The following ASZ1 variants were observed in gnomAD, a reference collection of about 807,000 sequenced individuals.
ASZ1 encodes ankyrin repeat, SAM and basic leucine zipper domain containing 1.
ASZ1 carries 67 observed loss-of-function variants against 61.8 expected under a neutral mutation model. The observed-to-expected ratio is 1.08, with a 90% CI of 0.89 to 1.33. The LOEUF (loss-of-function observed/expected upper bound fraction) is 1.33. Among genes scored for constraint, ASZ1 ranks in the 40% most tolerant of loss-of-function variants. ASZ1 has a pLI of 0.00. For missense variants in ASZ1, 577 were observed against 554.5 expected, an observed-to-expected ratio of 1.04 and a Z score of -0.41; for synonymous variants, 193 against 192.7, an observed-to-expected ratio of 1.00 and a Z score of -0.01.
intron 9 of ASZ1, among the ~76,000 whole-genome samples, chr7:117,380,721 T>C (rs1270985053): frequency 1.3e-5 from 2 of 151,818 alleles, no homozygotes; most frequent in Non-Finnish European, 1.5e-5. Context: ...AAGTGCCCCA[T>C]TTTACAAATC....
At chr7:117,398,445 C>T (rs1796616291) in intron 4 of ASZ1, among the ~76,000 whole-genome samples, 1 of 152,080 alleles carries the variant, frequency 6.6e-6, no homozygotes. Flanking sequence ...AAGTGTTCTT[C>T]AATGAAATAC....
intron 4 of ASZ1, among the ~76,000 whole-genome samples, chr7:117,399,689 G>T (rs1052088278): frequency 3.9e-5 from 6 of 152,034 alleles, no homozygotes; most frequent in Admixed American, 1.3e-4. Flanking sequence ...GTTGCTAAGG[G>T]GTGGGGGCTG....
At chr7:117,407,299 G>A (rs1002008453) in intron 4 of ASZ1, among the ~76,000 whole-genome samples, 1 of 151,954 alleles carries the variant, frequency 6.6e-6, no homozygotes, top group Non-Finnish European at 1.5e-5. Flanking sequence ...ATACAAAGGG[G>A]TACACTTCAT....
intron 10 of ASZ1, among the ~76,000 whole-genome samples, chr7:117,379,512 A>G (rs1690164672): frequency 6.6e-6 from 1 of 151,778 alleles, no homozygotes; most frequent in South Asian, 2.1e-4. Flanking sequence ...TGGTAACATA[A>G]TTTCTCATAC....
chr7:117,420,375 T>C, intron 3 of ASZ1, 101 bp from the exon 4 acceptor site: 1 of 704,546 alleles, frequency 1.4e-6, no homozygotes, highest in East Asian at 2.9e-5. Context: ...TCTAAAACTC[T>C]ATAACCTCTT....
At chr7:117,399,880 AT>A (rs1436616712) in intron 4 of ASZ1, among the ~76,000 whole-genome samples, 1 of 152,230 alleles carries the variant, frequency 6.6e-6, no homozygotes, top group Non-Finnish European at 1.5e-5. Flanking sequence ...ACTTAAAAAA[AT>A]AAAAGTTGGT....
At chr7:117,367,503 A>G in intron 11 of ASZ1, 38 bp from the exon 12 acceptor site, 5 of 1,371,164 alleles carry the variant, frequency 3.6e-6, no homozygotes, top group Non-Finnish European at 4.8e-6. Flanking sequence ...TAAATAATGG[A>G]AATAACTTTC....
At chr7:117,409,685 T>C (rs767860929) in intron 4 of ASZ1, among the ~76,000 whole-genome samples, 3 of 151,994 alleles carry the variant, frequency 2.0e-5, no homozygotes, top group Non-Finnish European at 3.0e-5. Context: ...TAGCAAAATT[T>C]GAAAACAAAT....
intron 4 of ASZ1, among the ~76,000 whole-genome samples, chr7:117,399,704 G>A (rs1796644025): frequency 6.6e-6 from 1 of 151,840 alleles, no homozygotes; most frequent in South Asian, 2.1e-4. Context: ...GGGCTGGGAG[G>A]TTTGGGTGGG....
At chr7:117,419,922 T>A (rs1584743857) in intron 4 of ASZ1, among the ~76,000 whole-genome samples, 1 of 152,216 alleles carries the variant, frequency 6.6e-6, no homozygotes. Context: ...TAGTTTATTG[T>A]CCTCCTTTCC....
intron 12 of ASZ1, among the ~76,000 whole-genome samples, chr7:117,365,101 A>T (rs963566811): frequency 1.3e-5 from 2 of 152,208 alleles, no homozygotes; most frequent in African/African-American, 4.8e-5. Flanking sequence ...AAGCCTTCAT[A>T]ATTCCCTAAA....
At chr7:117,411,004 T>G (rs1057075897) in intron 4 of ASZ1, among the ~76,000 whole-genome samples, 5 of 151,704 alleles carry the variant, frequency 3.3e-5, no homozygotes, top group Non-Finnish European at 4.4e-5. Context: ...GAGTTCAATG[T>G]AGAAATAGTA....
chr7:117,368,217 A>G lies in ASZ1; in HGVS notation c.1161+395T>C, dbSNP rs563040637. On this transcript the variant is annotated intron_variant, in intron 11 of 12. Coordinates refer to ENST00000284629, the MANE Select transcript of ASZ1 (RefSeq NM_130768.3). ...GTTGGGATTACGGATGTGAGCCACTATGCCCAGCCACTTACACTCTTCCTA... is the reference window on the plus strand; with the variant it reads ...GTTGGGATTACGGATGTGAGCCACTGTGCCCAGCCACTTACACTCTTCCTA... The G allele has an allele frequency of 1.3e-5, 12 of 959,788 alleles. No homozygotes were observed. In the Admixed American group the frequency reaches 2.4e-4, roughly 20 times the overall value. 59.5% of individuals were successfully genotyped at this position (959,788 alleles called of 1,614,324 possible).
intron 4 of ASZ1, among the ~76,000 whole-genome samples, chr7:117,419,854 T>C (rs10251069): frequency 0.051 from 7,788 of 152,268 alleles, 297 homozygotes; most frequent in African/African-American, 0.11. Context: ...AAGGCTTTAC[T>C]CTTACAGGTC....
chr7:117,421,513 G>A (rs746166140), intron 3 of ASZ1, among the ~76,000 whole-genome samples: 7 of 152,032 alleles, frequency 4.6e-5, no homozygotes, highest in Non-Finnish European at 8.8e-5. Flanking sequence ...GAGCCACCAT[G>A]CCTGGCCAAG....
At chr7:117,387,109 G>A (rs1208463167) in intron 4 of ASZ1, among the ~76,000 whole-genome samples, 1 of 149,880 alleles carries the variant, frequency 6.7e-6, no homozygotes, top group African/African-American at 2.5e-5. Flanking sequence ...AGACCAGCCT[G>A]GGCAACAGAG....
Position 117,385,818 on chromosome 7 carries a change from G to A in ASZ1, c.441-9C>T. On this transcript the variant is annotated splice_polypyrimidine_tract_variant and intron_variant, in intron 4 of 12. Transcript: ENST00000284629. ...TTGGGGTCATAAGTCTCCTAAGGAGGAGGAAGAAAGGAAACATTTGTGTTA... is the reference window on the plus strand; with the variant it reads ...TTGGGGTCATAAGTCTCCTAAGGAGAAGGAAGAAAGGAAACATTTGTGTTA... 1.3e-6 allele frequency: 2 copies of A among 1,587,600 alleles called. No homozygotes were observed. Among genetic ancestry groups the A allele is most frequent in the Non-Finnish European group, 1.7e-6 (2 of 1,157,698 alleles).
At chr7:117,392,848 CT>C (rs761543858) in intron 4 of ASZ1, among the ~76,000 whole-genome samples, 334 of 138,976 alleles carry the variant, frequency 2.4e-3, no homozygotes, top group East Asian at 9.5e-3. Context: ...TAAGATATAT[CT>C]TTTTTTTTTT....
chr7:117,377,956 A>C (rs1194350400), intron 10 of ASZ1, among the ~76,000 whole-genome samples: 1 of 152,134 alleles, frequency 6.6e-6, no homozygotes, highest in Non-Finnish European at 1.5e-5. Context: ...CTTTTCAATA[A>C]ATAGTGCTGG....
Sources: allele counts gnomAD v4.1 joint callset (sites outside exome capture counted in the v4.1 genomes callset), GRCh38; gene constraint gnomAD v4.1.1; transcripts MANE v1.5; gene names NCBI Gene and HGNC (gene_info 2026-07-23, HGNC 2026-07-21).